PRKG1: variants seen among roughly 807,000 people sequenced by gnomAD.
PRKG1 encodes protein kinase cGMP-dependent 1.
In PRKG1, 35 loss-of-function variants were observed where a neutral mutation model predicts 88.1. The observed-to-expected ratio is 0.40, with a 90% CI of 0.30 to 0.53. The LOEUF (loss-of-function observed/expected upper bound fraction) is 0.53, where lower values mean the gene tolerates loss of function less well. PRKG1 is among the 20% of genes least tolerant of loss of function. PRKG1 has a pLI of 0.59. For missense variants in PRKG1, 540 were observed against 839.8 expected (o/e 0.64, Z 4.41); for synonymous variants, 303 against 292.5 (o/e 1.04, Z -0.37).
intron 2 of PRKG1, among the ~76,000 whole-genome samples, chr10:51,415,373 G>T (rs1007524430): frequency 2.6e-5 from 4 of 151,986 alleles, no homozygotes; most frequent in Non-Finnish European, 5.9e-5. Flanking sequence ...TATTTTTTTG[G>T]TGCTGCTCAC....
intron 2 of PRKG1, among the ~76,000 whole-genome samples, chr10:51,400,242 T>C (rs1038203433): frequency 2.6e-5 from 4 of 152,054 alleles, no homozygotes; most frequent in Middle Eastern, 3.4e-3. Flanking sequence ...AATAAATAAA[T>C]AAATAAACAA....
intron 1 of PRKG1, among the ~76,000 whole-genome samples, chr10:51,045,562 G>A (rs1276768124): frequency 6.6e-6 from 1 of 152,072 alleles, no homozygotes; most frequent in Non-Finnish European, 1.5e-5. Flanking sequence ...TTGACCTCTG[G>A]TGATCCGCCC....
intron 5 of PRKG1, among the ~76,000 whole-genome samples, chr10:52,048,581 AAT>A (rs1845915292): frequency 6.6e-6 from 1 of 152,162 alleles, no homozygotes; most frequent in South Asian, 2.1e-4. Flanking sequence ...TCATCAAATA[AAT>A]ATGTGTAGAA....
chr10:51,218,899 C>T lies in PRKG1; in HGVS notation c.478+65569C>T, dbSNP rs1286015219. ...GGGGAGGAAGGAAGGAAGAAGATAGCATAGCAGTCAGAATGTTCAGATACT... is the reference window on the plus strand; with the variant it reads ...GGGGAGGAAGGAAGGAAGAAGATAGTATAGCAGTCAGAATGTTCAGATACT... On this transcript the variant is annotated intron_variant, in intron 2 of 17. Coordinates refer to ENST00000373980, the MANE Select transcript of PRKG1 (RefSeq NM_006258.4). Among the ~76,000 whole-genome samples, 3 of 151,966 alleles carry T rather than the reference C, an allele frequency of 2.0e-5. No homozygotes were observed. In the East Asian group the frequency reaches 5.8e-4, roughly 30 times the overall value.
rs1255534313 is a variant in PRKG1 at position 52,166,831 on chromosome 10, A to C, written c.1076+4868A>C. 6.4e-3 allele frequency among the ~76,000 whole-genome samples: 23 copies of C among 3,616 alleles called. 1 individual carries two copies. In the East Asian group the frequency reaches 0.29, roughly 46 times the overall value. The allele number at this position is 3,616 out of a possible 152,430, so 2.4% of individuals were successfully genotyped here. A position where few individuals can be genotyped will look rare whatever the true frequency, so the allele number is the denominator to read the frequency against. Reference sequence around the variant, plus strand: ...TATGTATATATATGTATATATATGTATATATATGTATATATATGTCTATAT... The same window carrying C: ...TATGTATATATATGTATATATATGTCTATATATGTATATATATGTCTATAT... On this transcript the variant is annotated intron_variant, in intron 9 of 17. Coordinates refer to ENST00000373980, the MANE Select transcript of PRKG1 (RefSeq NM_006258.4).
chr10:52,214,015 A>G (rs1048629649), intron 9 of PRKG1, among the ~76,000 whole-genome samples: 1 of 152,178 alleles, frequency 6.6e-6, no homozygotes, highest in Non-Finnish European at 1.5e-5. Flanking sequence ...ATGAGCATTT[A>G]CGATGTGGAA....
chr10:51,983,431 G>T (rs142326354), intron 5 of PRKG1, among the ~76,000 whole-genome samples: 22 of 152,264 alleles, frequency 1.4e-4, no homozygotes, highest in Non-Finnish European at 1.0e-4. Context: ...AAAGACCTAT[G>T]ATGTGGGCCC....
intron 3 of PRKG1, among the ~76,000 whole-genome samples, chr10:51,728,546 A>G (rs974369770): frequency 2.9e-5 from 4 of 135,812 alleles, no homozygotes; most frequent in African/African-American, 1.1e-4. Flanking sequence ...GAAGCCAGGA[A>G]GAAATCTATA....
chr10:51,613,298 T>C (rs1421802249), intron 3 of PRKG1, among the ~76,000 whole-genome samples: 1 of 152,008 alleles, frequency 6.6e-6, no homozygotes, highest in Non-Finnish European at 1.5e-5. Context: ...TTTTCCAGTT[T>C]GTTAGTGTAT....
intron 9 of PRKG1, among the ~76,000 whole-genome samples, chr10:52,217,340 A>ATC (rs60524102): frequency 0.01 from 1,506 of 144,036 alleles, 23 homozygotes; most frequent in African/African-American, 0.034. Flanking sequence ...ACACATTTAT[A>ATC]TATCTATCTA....
intron 3 of PRKG1, among the ~76,000 whole-genome samples, chr10:51,745,997 T>C (rs1276163898): frequency 6.6e-6 from 1 of 152,112 alleles, no homozygotes; most frequent in Non-Finnish European, 1.5e-5. Flanking sequence ...GCACATGCCA[T>C]CTTGTCTGTC....
intron 2 of PRKG1, among the ~76,000 whole-genome samples, chr10:51,218,557 A>T (rs964868785): frequency 4.8e-5 from 7 of 145,220 alleles, no homozygotes; most frequent in African/African-American, 1.8e-4. Context: ...GCATTTATAT[A>T]TATGTATTTG....
At chr10:52,132,345 C>G (rs1335799841) in intron 7 of PRKG1, among the ~76,000 whole-genome samples, 1 of 132,650 alleles carries the variant, frequency 7.5e-6, no homozygotes, top group Non-Finnish European at 1.6e-5. Context: ...AGGAATTTCT[C>G]AAAAATAATA....
intron 2 of PRKG1, among the ~76,000 whole-genome samples, chr10:51,345,521 T>C (rs1418622069): frequency 2.0e-5 from 3 of 151,926 alleles, no homozygotes; most frequent in East Asian, 3.9e-4. Context: ...AGAGTAAATA[T>C]GTAACTTCTA....
At chr10:51,707,956 G>A (rs1481438314) in intron 3 of PRKG1, among the ~76,000 whole-genome samples, 2 of 152,168 alleles carry the variant, frequency 1.3e-5, no homozygotes, top group Non-Finnish European at 2.9e-5. Flanking sequence ...GTAGTAGCTA[G>A]CATTTTATGG....
chr10:52,292,397 T>C (rs2132466686), intron 17 of PRKG1, among the ~76,000 whole-genome samples: 1 of 152,116 alleles, frequency 6.6e-6, no homozygotes, highest in Non-Finnish European at 1.5e-5. Flanking sequence ...TGGTTTTAGG[T>C]CTAACGTTTA....
At chr10:51,032,694 G>T (rs190081825) in intron 1 of PRKG1, among the ~76,000 whole-genome samples, 36 of 152,298 alleles carry the variant, frequency 2.4e-4, no homozygotes, top group East Asian at 9.7e-4. Flanking sequence ...GGGAGGCAGA[G>T]GTTGCAGTGA....
At chr10:51,320,386 A>C (rs1178378758) in intron 2 of PRKG1, 1 of 160,146 alleles carries the variant, frequency 6.2e-6, no homozygotes, top group Non-Finnish European at 1.4e-5. Flanking sequence ...GGAACTCAAC[A>C]TTCAGGGCAA....
At chr10:52,227,327 T>G (rs921342467) in intron 9 of PRKG1, among the ~76,000 whole-genome samples, 3 of 152,144 alleles carry the variant, frequency 2.0e-5, no homozygotes, top group Non-Finnish European at 4.4e-5. Context: ...GTCAATCCCC[T>G]GTATCCTTGG....
Sources: allele counts gnomAD v4.1 joint callset (sites outside exome capture counted in the v4.1 genomes callset), GRCh38; gene constraint gnomAD v4.1.1; transcripts MANE v1.5; gene names NCBI Gene and HGNC (gene_info 2026-07-23, HGNC 2026-07-21).